The following ACAN variants were observed in gnomAD, a reference collection of about 807,000 sequenced individuals.
ACAN encodes aggrecan, also known as aggrecan core protein.
Under a neutral mutation model 169.1 loss-of-function variants are expected in ACAN, and 47 were observed. The observed-to-expected ratio is 0.28, with a 90% CI of 0.22 to 0.35. ACAN has a LOEUF of 0.35. Ranked by LOEUF, ACAN falls within the 10% of genes least tolerant of loss-of-function variation. The probability of loss-of-function intolerance (pLI) is 1.00; values close to 1 mark genes in which losing one functional copy is unlikely to be tolerated. For missense variants in ACAN, 2,716 were observed against 2,759.9 expected, an observed-to-expected ratio of 0.98 and a Z score of 0.36; for synonymous variants, 1,115 against 1,112.2, an observed-to-expected ratio of 1.00 and a Z score of -0.05.
intron 1 of ACAN, among the ~76,000 whole-genome samples, chr15:88,810,362 A>G (rs545389970): frequency 1.3e-5 from 2 of 152,118 alleles, no homozygotes; most frequent in African/African-American, 2.4e-5. Context: ...GGGGGGAAAA[A>G]AAAACCTCTA....
chr15:88,844,378 T>C (rs1596135869), intron 6 of ACAN, among the ~76,000 whole-genome samples: 1 of 151,214 alleles, frequency 6.6e-6, no homozygotes, highest in East Asian at 2.0e-4. Context: ...TTTATTATTA[T>C]TATTATTATT....
intron 13 of ACAN, among the ~76,000 whole-genome samples, chr15:88,867,854 G>A (rs1897304970): frequency 6.6e-6 from 1 of 152,142 alleles, no homozygotes; most frequent in Admixed American, 6.5e-5. Flanking sequence ...CAGAATCCAT[G>A]GTCTCTCAAA....
chr15:88,815,950 C>T (rs1339676284), intron 1 of ACAN, among the ~76,000 whole-genome samples: 1 of 152,230 alleles, frequency 6.6e-6, no homozygotes, highest in East Asian at 1.9e-4. Context: ...CAGGGCCATG[C>T]TCCCTCTGAA....
chr15:88,822,632 T>G (rs1896105483), intron 1 of ACAN, among the ~76,000 whole-genome samples: 1 of 152,070 alleles, frequency 6.6e-6, no homozygotes, highest in Admixed American at 6.5e-5. Flanking sequence ...AGACGGGGTT[T>G]CTCCATGTTG....
intron 1 of ACAN, among the ~76,000 whole-genome samples, chr15:88,812,380 T>G (rs1160322080): frequency 6.6e-6 from 1 of 152,086 alleles, no homozygotes; most frequent in African/African-American, 2.4e-5. Context: ...TATTTGCATA[T>G]TTCCTCTCAG....
At position 88,807,801 on chromosome 15, in the gene ACAN, G is replaced by A. The variant is rs546421354; in HGVS notation, c.-8+3992G>A. 0.023 allele frequency among the ~76,000 whole-genome samples: 3,394 copies of A among 150,390 alleles called. 50 individuals carry two copies. Among genetic ancestry groups the A allele is most frequent in the South Asian group, 0.035 (162 of 4,672 alleles). On this transcript the variant is annotated intron_variant, in intron 1 of 18. Coordinates refer to ENST00000560601, the MANE Select transcript of ACAN (RefSeq NM_001369268.1). This position sits in a 1 kb window ranked among gnomAD's most constrained non-coding sequence, Gnocchi z 4.0. The stretch of plus-strand genomic sequence containing the variant: ...GTGTGTGTGTGCATGCTGGCAGGGC[G>A]GGCCCTGCGGGCTGGCCAGGCCTGT...
rs867599246 is a variant in ACAN at position 88,845,538 on chromosome 15, T to A, written c.1085T>A (p.Phe362Tyr). The A allele has an allele frequency of 1.2e-6, 2 of 1,612,376 alleles. No individual in the cohort carries two copies. Among genetic ancestry groups the A allele is most frequent in the Non-Finnish European group, 1.7e-6 (2 of 1,178,752 alleles). Residue 362 changes from phenylalanine to tyrosine, a missense_variant, in exon 7 of 19, where the codon TTT becomes TAT. Phe to Tyr is a conservative substitution (Grantham distance 22, BLOSUM62 3). Around this residue, in one of 3 missense-constraint regions of ACAN, gnomAD observed 1,283 missense variants for 1,281.5 expected, o/e 1.00. Transcript: ENST00000560601. Reference protein sequence around the residue: ...EDFVDIPENFFGVGGEEDITV... With the variant: ...EDFVDIPENFYGVGGEEDITV... Reference sequence around the variant, plus strand: ...TTTGTGGACATCCCAGAAAACTTCTTTGGAGTGGGGGGTGAGGAGGACATC... The same window carrying A: ...TTTGTGGACATCCCAGAAAACTTCTATGGAGTGGGGGGTGAGGAGGACATC...
intron 5 of ACAN, 115 bp downstream of exon 5, chr15:88,841,982 C>G: frequency 7.2e-7 from 1 of 1,380,852 alleles, no homozygotes; most frequent in Non-Finnish European, 1.0e-6. Context: ...GGGCCTGACA[C>G]ACTCTGTCCT....
intron 5 of ACAN, among the ~76,000 whole-genome samples, chr15:88,842,260 A>G (rs1896680143): frequency 6.6e-6 from 1 of 152,082 alleles, no homozygotes; most frequent in Non-Finnish European, 1.5e-5. Flanking sequence ...CTACACCTGC[A>G]ACAAAGCTCC....
chr15:88,823,074 A>G (rs1237380387), intron 1 of ACAN, among the ~76,000 whole-genome samples: 1 of 152,216 alleles, frequency 6.6e-6, no homozygotes, highest in African/African-American at 2.4e-5. Context: ...GAGGTCACTT[A>G]TTAAACCTGG....
At chr15:88,827,351 G>T (rs1459925833) in intron 1 of ACAN, among the ~76,000 whole-genome samples, 1 of 152,222 alleles carries the variant, frequency 6.6e-6, no homozygotes, top group Admixed American at 6.5e-5. Context: ...GGGGTGGGGG[G>T]CCCCATTGTT....
In ACAN at chr15:88,853,862, T is replaced by C. The variant is rs567886398; in HGVS notation, c.2267-990T>C. ...CCAGCTAACTTTTTTTTTTTTTTCA[T>C]GGCACCACTGCTATGCTTCATGCCC... On this transcript the variant is annotated intron_variant, in intron 11 of 18. Transcript: ENST00000560601. Among the ~76,000 whole-genome samples, 9 of 144,938 alleles carry C rather than the reference T, an allele frequency of 6.2e-5. 1 individual carries two copies. The South Asian group carries it at 1.5e-3, about 24-fold the overall frequency.
Position 88,868,702 on chromosome 15 carries a change from T to C in ACAN, c.7060+373T>C, listed in dbSNP as rs2141632403. Among the ~76,000 whole-genome samples the C allele has an allele frequency of 6.6e-6, 1 of 152,272 alleles. No individual in the cohort carries two copies. Among genetic ancestry groups the C allele is most frequent in the South Asian group, 2.1e-4 (1 of 4,826 alleles). On this transcript the variant is annotated intron_variant, in intron 14 of 18. Coordinates refer to ENST00000560601, the MANE Select transcript of ACAN (RefSeq NM_001369268.1). This position sits in a 1 kb window ranked among gnomAD's most constrained non-coding sequence, Gnocchi z 5.2. ...TCTCATTCCAGATGACAGCCACGGA[T>C]CTTCTCAGTGTGGTCATGGGCATGG... is the stretch of plus-strand genomic sequence containing the variant.
At chr15:88,816,876 C>A (rs973767088) in intron 1 of ACAN, among the ~76,000 whole-genome samples, 1 of 152,130 alleles carries the variant, frequency 6.6e-6, no homozygotes, top group African/African-American at 2.4e-5. Context: ...AGGCTGTGAG[C>A]GAGAAAAACT....
Position 88,861,254 on chromosome 15 carries a change from C to G in ACAN, c.6946+815C>G, listed in dbSNP as rs1024528171. On this transcript the variant is annotated intron_variant, in intron 13 of 18. Transcript: ENST00000560601. This position sits in a 1 kb window ranked among gnomAD's most constrained non-coding sequence, Gnocchi z 6.3. ...TAGTTCTCCCACTAACCCCAGTGCC[C>G]TTATCCCCAGCCTCCCTCCTAGGTC... Among the ~76,000 whole-genome samples, 17 of 152,124 alleles carry G rather than the reference C, an allele frequency of 1.1e-4. No homozygotes were observed. The highest frequency in any genetic ancestry group is 4.1e-4 in the African/African-American group (17 of 41,414).
At chr15:88,826,112 G>A (rs1384516357) in intron 1 of ACAN, among the ~76,000 whole-genome samples, 4 of 152,144 alleles carry the variant, frequency 2.6e-5, no homozygotes, top group African/African-American at 9.7e-5. Context: ...TGGTAGGATG[G>A]GACTTTAGAA....
At chr15:88,854,241 G>A (rs1323589970) in intron 11 of ACAN, among the ~76,000 whole-genome samples, 1 of 152,174 alleles carries the variant, frequency 6.6e-6, no homozygotes. Context: ...ACACTGAAGT[G>A]AGCCCCAGCA....
rs1360560713 is a variant in ACAN at position 88,841,876 on chromosome 15, C to T, written c.757+9C>T. ...CGCCGAGGAGATGGAGGGTGAGCTG[C>T]CCTGCCCACCAGGAGGCACCCAGCT... On this transcript the variant is annotated intron_variant, in intron 5 of 18. Transcript: ENST00000560601. 8 of 1,613,138 alleles carry T rather than the reference C, an allele frequency of 5.0e-6. No individual in the cohort carries two copies. The South Asian group carries it at 5.5e-5, about 11-fold the overall frequency.
intron 12 of ACAN, 51 bp downstream of exon 12, chr15:88,859,468 G>A: frequency 1.9e-6 from 3 of 1,550,626 alleles, no homozygotes; most frequent in Non-Finnish European, 2.6e-6. Context: ...TCAGACTGTA[G>A]CCTACTGCAG....
Sources: gnomAD v4.1 joint callset for allele counts (sites outside exome capture counted in the v4.1 genomes callset) on GRCh38, gnomAD v4.1.1 for gene constraint, gnomAD v4.1.1 regional missense constraint, Gnocchi (gnomAD v3.1) non-coding constraint, MANE v1.5 for transcripts, NCBI Gene and HGNC (gene_info 2026-07-23, HGNC 2026-07-21) for gene names.